The following GMDS variants were observed in gnomAD, a reference collection of about 807,000 sequenced individuals.
The protein encoded by GMDS is GDP-mannose 4,6 dehydratase.
GMDS carries 20 observed loss-of-function variants against 49.9 expected under a neutral mutation model. The ratio of observed to expected loss-of-function variants is 0.40; its 90% CI spans 0.28 to 0.58. The LOEUF is 0.58. Among genes scored for constraint, GMDS ranks in the 20% least tolerant of loss-of-function variants. GMDS has a pLI of 0.42. For missense variants in GMDS, 362 were observed against 481.4 expected (o/e 0.75, Z 2.32); for synonymous variants, 177 against 178.6 (o/e 0.99, Z 0.07).
chr6:2,065,183 G>A (rs1210977352), intron 4 of GMDS, among the ~76,000 whole-genome samples: 2 of 152,072 alleles, frequency 1.3e-5, no homozygotes, highest in Non-Finnish European at 2.9e-5. Flanking sequence ...CACACAGCCT[G>A]GTACTCCAAC....
chr6:1,808,318 T>A (rs1402148620), intron 7 of GMDS, among the ~76,000 whole-genome samples: 3 of 152,212 alleles, frequency 2.0e-5, no homozygotes, highest in Non-Finnish European at 4.4e-5. Flanking sequence ...TTAAAGGTAG[T>A]CCTGAAGGTC....
intron 7 of GMDS, among the ~76,000 whole-genome samples, chr6:1,917,705 T>C (rs1206992693): frequency 6.6e-6 from 1 of 152,258 alleles, no homozygotes; most frequent in Admixed American, 6.5e-5. Context: ...GGCGCAGCTC[T>C]GCTACCTTGA....
intron 6 of GMDS, among the ~76,000 whole-genome samples, chr6:1,932,257 C>CT (rs1762321159): frequency 1.3e-5 from 2 of 152,174 alleles, no homozygotes; most frequent in Admixed American, 6.5e-5. Context: ...AGGGCTATCG[C>CT]TGATAGCACT....
At chr6:2,144,766 C>T (rs1253681008) in intron 1 of GMDS, among the ~76,000 whole-genome samples, 1 of 152,090 alleles carries the variant, frequency 6.6e-6, no homozygotes, top group Non-Finnish European at 1.5e-5. Context: ...AATAATACAC[C>T]AGACTACCTG....
chr6:1,983,378 T>C (rs1157427673), intron 4 of GMDS, among the ~76,000 whole-genome samples: 3 of 151,970 alleles, frequency 2.0e-5, no homozygotes, highest in South Asian at 4.2e-4. Context: ...AGTTGAGAAA[T>C]TGTATCTAAT....
chr6:1,918,328 C>T (rs1347160284), intron 7 of GMDS, among the ~76,000 whole-genome samples: 2 of 152,130 alleles, frequency 1.3e-5, no homozygotes, highest in East Asian at 1.9e-4. Context: ...TCAAGTACTC[C>T]CATGGGTACT....
intron 1 of GMDS, among the ~76,000 whole-genome samples, chr6:2,186,523 A>T (rs184469991): frequency 3.2e-4 from 49 of 152,360 alleles, no homozygotes; most frequent in African/African-American, 1.2e-3. Context: ...TGCAGAAACA[A>T]TGTGTTCGCT....
At chr6:1,738,431 A>G (rs1767133357) in intron 8 of GMDS, among the ~76,000 whole-genome samples, 1 of 152,254 alleles carries the variant, frequency 6.6e-6, no homozygotes, top group Non-Finnish European at 1.5e-5. Context: ...GTGATGTCAA[A>G]GACTTCAAGA....
intron 1 of GMDS, among the ~76,000 whole-genome samples, chr6:2,166,104 A>C (rs1777656629): frequency 6.6e-6 from 1 of 152,208 alleles, no homozygotes; most frequent in South Asian, 2.1e-4. Flanking sequence ...AACAAAAAAG[A>C]AGCAAGAAAA....
chr6:1,976,169 T>C (rs748956562), intron 4 of GMDS, among the ~76,000 whole-genome samples: 2 of 151,464 alleles, frequency 1.3e-5, no homozygotes, highest in Admixed American at 1.3e-4. Context: ...CCATTATGAG[T>C]CCAGAAGACC....
intron 7 of GMDS, among the ~76,000 whole-genome samples, chr6:1,858,136 C>T (rs1457560081): frequency 6.6e-6 from 1 of 151,956 alleles, no homozygotes; most frequent in Non-Finnish European, 1.5e-5. Context: ...CCTACAACTC[C>T]AAGTATCTCA....
intron 6 of GMDS, among the ~76,000 whole-genome samples, chr6:1,954,585 A>G (rs1231069280): frequency 6.6e-6 from 1 of 152,270 alleles, no homozygotes; most frequent in Non-Finnish European, 1.5e-5. Context: ...TTATTTTGAC[A>G]ACATTCACAG....
At chr6:1,749,525 G>A (rs981743609) in intron 7 of GMDS, among the ~76,000 whole-genome samples, 3 of 152,026 alleles carry the variant, frequency 2.0e-5, no homozygotes, top group African/African-American at 7.2e-5. Context: ...CCCTGGAGGC[G>A]GAGGTGGCAG....
intron 6 of GMDS, among the ~76,000 whole-genome samples, chr6:1,938,999 C>CCT (rs1554135809): frequency 7.5e-6 from 1 of 133,292 alleles, no homozygotes; most frequent in East Asian, 2.6e-4. Flanking sequence ...CCTCTCCTCT[C>CCT]CTCTTCTCTT....
chr6:2,070,445 T>C (rs1771922325), intron 4 of GMDS, among the ~76,000 whole-genome samples: 1 of 152,028 alleles, frequency 6.6e-6, no homozygotes, highest in African/African-American at 2.4e-5. Context: ...AAAACCATTA[T>C]CAAAATATTC....
Position 1,944,483 on chromosome 6 carries a change from C to T in GMDS, c.644-14253G>A, listed in dbSNP as rs138436233. Reference sequence around the variant, plus strand: ...TGGCGCCACTGCACGCTAGCCTGGGCGACAGAGCCAGATTGCGTCTAAAAA... The same window carrying T: ...TGGCGCCACTGCACGCTAGCCTGGGTGACAGAGCCAGATTGCGTCTAAAAA... On this transcript the variant is annotated intron_variant, in intron 6 of 10. Coordinates refer to ENST00000380815, the MANE Select transcript of GMDS (RefSeq NM_001500.4). 5.7e-3 allele frequency among the ~76,000 whole-genome samples: 774 copies of T among 135,744 alleles called. 3 individuals are homozygous for T. The highest frequency in any genetic ancestry group is 0.018 in the Middle Eastern group (4 of 218). 89.1% of individuals were successfully genotyped at this position (135,744 alleles called of 152,430 possible).
At chr6:1,816,712 T>C (rs934725101) in intron 7 of GMDS, among the ~76,000 whole-genome samples, 2 of 152,178 alleles carry the variant, frequency 1.3e-5, no homozygotes, top group Non-Finnish European at 2.9e-5. Flanking sequence ...TTAATGAACA[T>C]GTAAAGTTTA....
chr6:2,105,860 T>G (rs1026581678), intron 4 of GMDS, among the ~76,000 whole-genome samples: 1 of 152,214 alleles, frequency 6.6e-6, no homozygotes, highest in South Asian at 2.1e-4. Flanking sequence ...ATAATTGCTA[T>G]CAACACAATA....
intron 9 of GMDS, among the ~76,000 whole-genome samples, chr6:1,656,291 G>C (rs749373360): frequency 1.3e-5 from 2 of 152,166 alleles, no homozygotes; most frequent in Non-Finnish European, 2.9e-5. Flanking sequence ...CTGTCTCCAA[G>C]AGCTCCAAAA....
Sources: allele counts gnomAD v4.1 joint callset (sites outside exome capture counted in the v4.1 genomes callset), GRCh38; gene constraint gnomAD v4.1.1; transcripts MANE v1.5; gene names NCBI Gene and HGNC (gene_info 2026-07-23, HGNC 2026-07-21).